Variants in VPS50 observed in about 807,000 individuals in gnomAD.
The protein encoded by VPS50 is syndetin.
VPS50 carries 70 observed loss-of-function variants against 139.7 expected under a neutral mutation model. The ratio of observed to expected loss-of-function variants is 0.50; its 90% confidence interval spans 0.41 to 0.61. The LOEUF (loss-of-function observed/expected upper bound fraction) is 0.61, where lower values mean the gene tolerates loss of function less well. VPS50 is among the 20% of genes least tolerant of loss of function. VPS50 has a pLI of 0.00. For synonymous variants in VPS50, 365 were observed against 376.7 expected (o/e 0.97, Z 0.36); for missense variants, 921 against 1,133.7 (o/e 0.81, Z 2.69).
intron 20 of VPS50, among the ~76,000 whole-genome samples, chr7:93,312,671 T>G (rs1383376945): frequency 6.6e-6 from 1 of 152,114 alleles, no homozygotes; most frequent in Non-Finnish European, 1.5e-5. Context: ...CTTCTATTTC[T>G]TCTATTCTTC....
At chr7:93,304,313 G>T (rs963998587) in intron 17 of VPS50, among the ~76,000 whole-genome samples, 5 of 151,638 alleles carry the variant, frequency 3.3e-5, no homozygotes, top group African/African-American at 1.2e-4. Flanking sequence ...CTGGATAAAT[G>T]TAAAGAATAC....
chr7:93,266,152 G>A (rs1180089459), intron 9 of VPS50, among the ~76,000 whole-genome samples: 1 of 152,170 alleles, frequency 6.6e-6, no homozygotes, highest in African/African-American at 2.4e-5. Context: ...TTAGGGCCAT[G>A]GAGATACAGT....
intron 10 of VPS50, among the ~76,000 whole-genome samples, chr7:93,271,626 AATTAT>A (rs1307361404): frequency 1.3e-5 from 2 of 151,752 alleles, no homozygotes; most frequent in African/African-American, 4.8e-5. Context: ...ACCTGTAAGT[AATTAT>A]TGGCTGATGA....
chr7:93,348,200 T>G (rs1048128308), intron 23 of VPS50, among the ~76,000 whole-genome samples: 4 of 152,138 alleles, frequency 2.6e-5, no homozygotes, highest in Non-Finnish European at 5.9e-5. Context: ...GCCCACTGAC[T>G]CCCATTCCTG....
chr7:93,348,803 C>T lies in VPS50; in HGVS notation c.2300C>T (p.Ser767Phe). ...AAGCCCTTTCTTCAGCAGTTCTATT[C>T]TCAGGTCAGACATGGTCTTGTATGT... is the stretch of plus-strand genomic sequence containing the variant. ...VKKPFLQQFY[S>F]QTVSTASELR... Residue 767 changes from serine to phenylalanine, a missense_variant, in exon 24 of 28, where the codon TCT becomes TTT. Coordinates refer to ENST00000305866, the MANE Select transcript of VPS50 (RefSeq NM_017667.4). The T allele has an allele frequency of 6.3e-7, 1 of 1,597,204 alleles. No homozygotes were observed. The highest frequency in any genetic ancestry group is 1.1e-5 in the South Asian group (1 of 90,750).
Position 93,360,143 on chromosome 7 carries a change from G to C in VPS50, c.*1707G>C, listed in dbSNP as rs1292972726. On this transcript the variant is annotated 3_prime_UTR_variant, in exon 28 of 28. Transcript: ENST00000305866. ...TCTTTTAAAATTTGCAGTTGATGAAGAGCTGCTTATTTTTCTCTTCTACAT... is the reference window on the plus strand; with the variant it reads ...TCTTTTAAAATTTGCAGTTGATGAACAGCTGCTTATTTTTCTCTTCTACAT... 2 of 152,064 alleles carry C rather than the reference G, an allele frequency of 1.3e-5. No homozygotes were observed. Among genetic ancestry groups the C allele is most frequent in the Admixed American group, 1.3e-4 (2 of 15,246 alleles). 9.4% of individuals were successfully genotyped at this position (152,064 alleles called of 1,614,324 possible).
Position 93,262,186 on chromosome 7 carries a change from C to T in VPS50, c.659+2554C>T, listed in dbSNP as rs539633659. On this transcript the variant is annotated intron_variant, in intron 9 of 27. Coordinates refer to ENST00000305866, the MANE Select transcript of VPS50 (RefSeq NM_017667.4). ...GTCTGTTATAATAGGAAAGAATGAG[C>T]GTGGAATTTGGTGGCAGGAAATTGA... 2.2e-4 allele frequency among the ~76,000 whole-genome samples: 34 copies of T among 152,180 alleles called. 1 individual carries two copies. Among genetic ancestry groups the T allele is most frequent in the South Asian group, 1.7e-3 (8 of 4,810 alleles).
chr7:93,309,465 G>C (rs1407958158), intron 19 of VPS50, among the ~76,000 whole-genome samples: 3 of 151,878 alleles, frequency 2.0e-5, no homozygotes, highest in Non-Finnish European at 4.4e-5. Flanking sequence ...AGTTTTTGCA[G>C]AGGAAAAAGC....
At chr7:93,292,324 C>T (rs1204627205) in intron 13 of VPS50, among the ~76,000 whole-genome samples, 1 of 151,974 alleles carries the variant, frequency 6.6e-6, no homozygotes, top group African/African-American at 2.4e-5. Flanking sequence ...TTAAAATATT[C>T]ATCTTTGAAT....
At chr7:93,275,321 C>T (rs1161018559) in intron 11 of VPS50, among the ~76,000 whole-genome samples, 2 of 152,134 alleles carry the variant, frequency 1.3e-5, no homozygotes, top group African/African-American at 2.4e-5. Context: ...CAAACAGCAT[C>T]GCATGCTACA....
intron 26 of VPS50, among the ~76,000 whole-genome samples, chr7:93,355,210 T>C (rs1447673033): frequency 1.3e-5 from 2 of 152,090 alleles, no homozygotes; most frequent in South Asian, 2.1e-4. Flanking sequence ...ATTCCCACAG[T>C]TGAATTTTCC....
intron 26 of VPS50, among the ~76,000 whole-genome samples, chr7:93,355,118 T>TA (rs1798667121): frequency 1.3e-5 from 2 of 149,998 alleles, no homozygotes; most frequent in African/African-American, 2.5e-5. Flanking sequence ...ATACTCTTTT[T>TA]TAAAAAAAAA....
intron 21 of VPS50, among the ~76,000 whole-genome samples, chr7:93,333,463 A>G (rs1797991549): frequency 6.6e-6 from 1 of 152,186 alleles, no homozygotes; most frequent in South Asian, 2.1e-4. Flanking sequence ...GCCTTTAACT[A>G]TGTATGATTA....
chr7:93,286,254 T>C (rs1380101677), intron 12 of VPS50, among the ~76,000 whole-genome samples: 1 of 152,222 alleles, frequency 6.6e-6, no homozygotes, highest in Non-Finnish European at 1.5e-5. Context: ...TGTGAATATT[T>C]TGTAAATTGA....
At chr7:93,258,743 A>G (rs1795572306) in intron 8 of VPS50, among the ~76,000 whole-genome samples, 1 of 152,058 alleles carries the variant, frequency 6.6e-6, no homozygotes, top group African/African-American at 2.4e-5. Flanking sequence ...GTTCAGTATC[A>G]TGTATTAATT....
At chr7:93,297,118 T>C (rs774718593) in intron 15 of VPS50, 27 bp from the exon 16 acceptor site, 1 of 1,547,878 alleles carries the variant, frequency 6.5e-7, no homozygotes, top group Admixed American at 2.4e-5. Context: ...GCTGCTGAAA[T>C]TTACTGAAAC....
chr7:93,271,105 C>T (rs1345817531), intron 9 of VPS50, 115 bp from the exon 10 acceptor site: 13 of 1,406,712 alleles, frequency 9.2e-6, no homozygotes, highest in East Asian at 5.9e-5. Context: ...GCATGTCTTA[C>T]GATCTATACT....
intron 23 of VPS50, among the ~76,000 whole-genome samples, chr7:93,345,938 T>C (rs1177315127): frequency 6.6e-6 from 1 of 152,158 alleles, no homozygotes; most frequent in Non-Finnish European, 1.5e-5. Flanking sequence ...TGCCCTCTCT[T>C]ACCAATCCTA....
chr7:93,331,836 A>G (rs1014953656), intron 21 of VPS50, among the ~76,000 whole-genome samples: 1 of 152,214 alleles, frequency 6.6e-6, no homozygotes, highest in African/African-American at 2.4e-5. Flanking sequence ...GAGAAAGGGC[A>G]TGTTTACACA....
Sources: allele counts gnomAD v4.1 joint callset (sites outside exome capture counted in the v4.1 genomes callset), GRCh38; gene constraint gnomAD v4.1.1; transcripts MANE v1.5; gene names NCBI Gene and HGNC (gene_info 2026-07-23, HGNC 2026-07-21).